SGMS1: variants seen among roughly 807,000 people sequenced by gnomAD.
The protein encoded by SGMS1 is phosphatidylcholine:ceramide cholinephosphotransferase 1.
A neutral mutation model predicts 46.2 loss-of-function variants in SGMS1; 13 were observed. The observed-to-expected ratio is 0.28, with a 90% CI of 0.18 to 0.45. SGMS1 has a LOEUF of 0.45. SGMS1 is among the 20% of genes least tolerant of loss of function. SGMS1 has a pLI of 1.00. For missense variants in SGMS1, 324 were observed against 519.9 expected, an observed-to-expected ratio of 0.62 and a Z score of 3.66; for synonymous variants, 203 against 187.8, an observed-to-expected ratio of 1.08 and a Z score of -0.66.
At chr10:50,371,580 A>G (rs1031215689) in intron 6 of SGMS1, among the ~76,000 whole-genome samples, 3 of 152,200 alleles carry the variant, frequency 2.0e-5, no homozygotes, top group African/African-American at 7.2e-5. Context: ...GACTACTTGT[A>G]GTTCCTACCT....
intron 2 of SGMS1, among the ~76,000 whole-genome samples, chr10:50,574,963 G>GTATGTATATATATA (rs1554793450): frequency 3.0e-5 from 3 of 99,862 alleles, no homozygotes; most frequent in Middle Eastern, 5.2e-3. Flanking sequence ...AAAATGTGGT[G>GTATGTATATATATA]TATATATATA....
At chr10:50,377,684 T>G (rs1256307914) in intron 6 of SGMS1, among the ~76,000 whole-genome samples, 1 of 152,054 alleles carries the variant, frequency 6.6e-6, no homozygotes, top group Non-Finnish European at 1.5e-5. Context: ...AACCACAAAC[T>G]GGGGGGCTTT....
intron 3 of SGMS1, among the ~76,000 whole-genome samples, chr10:50,487,264 A>G (rs1352489165): frequency 6.6e-6 from 1 of 152,190 alleles, no homozygotes. Flanking sequence ...GCTCTCATTG[A>G]TAAGTGGGAG....
intron 3 of SGMS1, among the ~76,000 whole-genome samples, chr10:50,504,722 G>C (rs554282618): frequency 6.6e-6 from 1 of 151,894 alleles, no homozygotes; most frequent in Non-Finnish European, 1.5e-5. Flanking sequence ...AAGTAATGGC[G>C]GTTGACTTAT....
At chr10:50,538,623 A>G (rs2983356) in intron 2 of SGMS1, among the ~76,000 whole-genome samples, 6,891 of 152,224 alleles carry the variant, frequency 0.045, 215 homozygotes, top group Non-Finnish European at 0.068. Flanking sequence ...CCTCATCATC[A>G]TGACCACTGA....
chr10:50,475,193 A>T (rs946926696), intron 3 of SGMS1, among the ~76,000 whole-genome samples: 5 of 152,204 alleles, frequency 3.3e-5, no homozygotes, highest in African/African-American at 1.2e-4. Context: ...TCCGGTAGAG[A>T]TATGATTGAT....
chr10:50,441,017 A>C (rs146652838), intron 5 of SGMS1, among the ~76,000 whole-genome samples: 24 of 152,338 alleles, frequency 1.6e-4, no homozygotes, highest in African/African-American at 5.5e-4. Context: ...AGGGAGCTAG[A>C]ATAGAGTTAC....
chr10:50,547,285 T>C (rs1588873175), intron 2 of SGMS1, among the ~76,000 whole-genome samples: 1 of 151,942 alleles, frequency 6.6e-6, no homozygotes, highest in Admixed American at 6.6e-5. Flanking sequence ...ATTCAGACCA[T>C]ATAGACCACT....
intron 2 of SGMS1, among the ~76,000 whole-genome samples, chr10:50,577,905 A>G (rs1838399254): frequency 6.6e-6 from 1 of 152,220 alleles, no homozygotes; most frequent in Non-Finnish European, 1.5e-5. Context: ...GACTTCTGTT[A>G]TCTAATCAGC....
chr10:50,477,011 G>A (rs1272576956), intron 3 of SGMS1, among the ~76,000 whole-genome samples: 4 of 152,272 alleles, frequency 2.6e-5, no homozygotes, highest in Non-Finnish European at 5.9e-5. Flanking sequence ...AGTCCCTACT[G>A]GGGTACTGCC....
At chr10:50,530,731 C>T (rs569048149) in intron 2 of SGMS1, among the ~76,000 whole-genome samples, 17 of 152,190 alleles carry the variant, frequency 1.1e-4, no homozygotes, top group Admixed American at 4.6e-4. Flanking sequence ...GCAATGCTCC[C>T]GCCTCGGCCT....
At chr10:50,340,971 G>A (rs1257440830) in intron 7 of SGMS1, among the ~76,000 whole-genome samples, 1 of 152,164 alleles carries the variant, frequency 6.6e-6, no homozygotes. Flanking sequence ...TGGCCAAATA[G>A]GCTTAATTTG....
At chr10:50,331,414 C>T (rs2133325570) in intron 7 of SGMS1, among the ~76,000 whole-genome samples, 1 of 152,318 alleles carries the variant, frequency 6.6e-6, no homozygotes, top group Middle Eastern at 3.4e-3. Flanking sequence ...GAGCCAACAT[C>T]CCATCCCATT....
At chr10:50,382,675 G>A (rs1427609931) in intron 6 of SGMS1, among the ~76,000 whole-genome samples, 1 of 151,052 alleles carries the variant, frequency 6.6e-6, no homozygotes, top group Non-Finnish European at 1.5e-5. Flanking sequence ...ATGGAGAGGA[G>A]GGACCCAGCG....
At chr10:50,463,686 A>G (rs1564921145) in intron 4 of SGMS1, among the ~76,000 whole-genome samples, 1 of 152,232 alleles carries the variant, frequency 6.6e-6, no homozygotes, top group African/African-American at 2.4e-5. Context: ...ATGCATCTGA[A>G]AGAATTGAAA....
chr10:50,370,436 T>G (rs2117960), intron 6 of SGMS1, among the ~76,000 whole-genome samples: 2 of 149,012 alleles, frequency 1.3e-5, no homozygotes, highest in African/African-American at 4.9e-5. Flanking sequence ...ACTTAAAAAA[T>G]TTTTTTTTTT....
intron 2 of SGMS1, among the ~76,000 whole-genome samples, chr10:50,550,245 T>C (rs963493206): frequency 6.6e-6 from 1 of 152,226 alleles, no homozygotes; most frequent in East Asian, 1.9e-4. Context: ...TCACTAACTT[T>C]CTTTTCCCTA....
intron 6 of SGMS1, among the ~76,000 whole-genome samples, chr10:50,373,594 C>T (rs1156928402): frequency 1.3e-5 from 2 of 152,102 alleles, no homozygotes; most frequent in Non-Finnish European, 2.9e-5. Context: ...TCACAGGTTA[C>T]TTCAGTATAA....
At chr10:50,392,707 G>A (rs747803704) in intron 6 of SGMS1, among the ~76,000 whole-genome samples, 8 of 152,106 alleles carry the variant, frequency 5.3e-5, no homozygotes, top group Non-Finnish European at 1.0e-4. Context: ...ATTGAAAAAC[G>A]AACATGACAA....
Sources: gnomAD v4.1 joint callset for allele counts (sites outside exome capture counted in the v4.1 genomes callset) on GRCh38, gnomAD v4.1.1 for gene constraint, MANE v1.5 for transcripts, NCBI Gene and HGNC (gene_info 2026-07-23, HGNC 2026-07-21) for gene names.